Variants in LARGE1 observed in about 807,000 individuals in gnomAD.
LARGE1 encodes the protein LARGE xylosyl- and glucuronyltransferase 1.
LARGE1 carries 43 observed loss-of-function variants against 87.6 expected under a neutral mutation model. The ratio of observed to expected loss-of-function variants is 0.49; its 90% CI spans 0.38 to 0.63. LARGE1 has a LOEUF of 0.63. Among genes scored for constraint, LARGE1 ranks in the 30% least tolerant of loss-of-function variants. The pLI, the probability that LARGE1 is intolerant of heterozygous loss-of-function variation, is 0.00. For synonymous variants in LARGE1, 434 were observed against 394.6 expected, an observed-to-expected ratio of 1.10 and a Z score of -1.18; for missense variants, 802 against 1,000.2, an observed-to-expected ratio of 0.80 and a Z score of 2.67.
chr22:33,559,969 C>G (rs145281310), intron 6 of LARGE1, among the ~76,000 whole-genome samples: 2 of 152,176 alleles, frequency 1.3e-5, no homozygotes, highest in African/African-American at 4.8e-5. Context: ...AGTTCTTTCA[C>G]GAATCTAACT....
chr22:33,878,330 C>CA (rs1436880311), intron 1 of LARGE1, among the ~76,000 whole-genome samples: 2 of 151,544 alleles, frequency 1.3e-5, no homozygotes, highest in African/African-American at 4.8e-5. Flanking sequence ...TATACAAATA[C>CA]ATATTGGCCA....
chr22:33,514,321 T>C (rs2071196742), intron 6 of LARGE1, among the ~76,000 whole-genome samples: 1 of 152,170 alleles, frequency 6.6e-6, no homozygotes, highest in African/African-American at 2.4e-5. Flanking sequence ...TGCACAGTTA[T>C]GCCTGCATAT....
intron 1 of LARGE1, among the ~76,000 whole-genome samples, chr22:33,901,249 T>C (rs1026693714): frequency 2.0e-5 from 3 of 151,918 alleles, no homozygotes; most frequent in African/African-American, 4.8e-5. Context: ...GGGAGTGTGG[T>C]CCTGCTGACT....
intron 9 of LARGE1, among the ~76,000 whole-genome samples, chr22:33,338,126 G>A (rs1938698520): frequency 6.6e-6 from 1 of 152,002 alleles, no homozygotes; most frequent in South Asian, 2.1e-4. Flanking sequence ...TGATGCTTAG[G>A]CCACGACTCT....
At chr22:33,721,373 C>T (rs990083143) in intron 2 of LARGE1, among the ~76,000 whole-genome samples, 6 of 152,254 alleles carry the variant, frequency 3.9e-5, no homozygotes, top group Admixed American at 6.5e-5. Flanking sequence ...TGTATTATGA[C>T]GATTAGGTGA....
At chr22:33,086,869 C>G in the LARGE1 span, among the ~76,000 whole-genome samples, 6 of 152,070 alleles carry the variant, frequency 3.9e-5, no homozygotes, top group Non-Finnish European at 8.8e-5. Context: ...TGTAAAATAT[C>G]ATTTTTAGTC....
intron 7 of LARGE1, among the ~76,000 whole-genome samples, chr22:33,406,439 TCC>T (rs1394652735): frequency 1.3e-5 from 2 of 152,204 alleles, no homozygotes; most frequent in African/African-American, 4.8e-5. Context: ...TTGCAGGATT[TCC>T]TGCTTACTAC....
chr22:33,717,464 T>C (rs1357956894), intron 2 of LARGE1, among the ~76,000 whole-genome samples: 1 of 152,228 alleles, frequency 6.6e-6, no homozygotes, highest in African/African-American at 2.4e-5. Context: ...GGACTCTCTG[T>C]TGACCCAGTT....
intron 11 of LARGE1, among the ~76,000 whole-genome samples, chr22:33,306,789 G>A (rs917588054): frequency 2.0e-5 from 3 of 150,914 alleles, no homozygotes; most frequent in South Asian, 2.1e-4. Context: ...CAGAAGAATC[G>A]CTTGAACCCA....
chr22:33,608,525 C>T (rs1297082002), intron 4 of LARGE1, among the ~76,000 whole-genome samples: 2 of 152,188 alleles, frequency 1.3e-5, no homozygotes, highest in African/African-American at 2.4e-5. Flanking sequence ...ATTTAAACTG[C>T]TGGCTCCTTG....
intron 6 of LARGE1, among the ~76,000 whole-genome samples, chr22:33,506,214 A>T (rs971959894): frequency 3.6e-4 from 54 of 151,980 alleles, no homozygotes; most frequent in South Asian, 4.2e-4. Flanking sequence ...ATATATATAT[A>T]TTTTTGGACT....
intron 11 of LARGE1, among the ~76,000 whole-genome samples, chr22:33,194,468 A>G (rs932713479): frequency 6.6e-6 from 1 of 152,176 alleles, no homozygotes; most frequent in Admixed American, 6.5e-5. Flanking sequence ...TTCAAGGTTT[A>G]GAGATGGAGA....
At chr22:33,654,922 C>T (rs1296805821) in intron 2 of LARGE1, among the ~76,000 whole-genome samples, 4 of 152,130 alleles carry the variant, frequency 2.6e-5, no homozygotes, top group Non-Finnish European at 5.9e-5. Flanking sequence ...CAGAGCTTGG[C>T]CCACGTGTAA....
At chr22:33,745,032 A>G (rs2084027961) in intron 2 of LARGE1, among the ~76,000 whole-genome samples, 1 of 152,182 alleles carries the variant, frequency 6.6e-6, no homozygotes, top group Non-Finnish European at 1.5e-5. Context: ...GTTAATTTCT[A>G]TTATCCCACA....
chr22:33,185,129 A>C (rs1217185088), intron 11 of LARGE1, among the ~76,000 whole-genome samples: 2 of 152,196 alleles, frequency 1.3e-5, no homozygotes, highest in African/African-American at 4.8e-5. Flanking sequence ...TGTATTCACA[A>C]TTGTCCAAAC....
chr22:33,651,405 A>G (rs1379863165), intron 2 of LARGE1, among the ~76,000 whole-genome samples: 6 of 150,036 alleles, frequency 4.0e-5, no homozygotes, highest in East Asian at 2.0e-4. Flanking sequence ...AAAAAAAAAA[A>G]AAAAAGAAAA....
chr22:33,533,394 A>T (rs2076952054), intron 6 of LARGE1, among the ~76,000 whole-genome samples: 1 of 152,118 alleles, frequency 6.6e-6, no homozygotes, highest in African/African-American at 2.4e-5. Flanking sequence ...TCCTTTTTTC[A>T]ATTAGCTAGA....
chr22:33,501,004 CG>C (rs1368679733), intron 6 of LARGE1, among the ~76,000 whole-genome samples: 1 of 152,030 alleles, frequency 6.6e-6, no homozygotes, highest in Admixed American at 6.6e-5. Flanking sequence ...GGTGGAGGTG[CG>C]GGCGCCCATG....
rs148781947 is a variant in LARGE1 at position 33,649,732 on chromosome 22, G to A, written c.408+635C>T. Among the ~76,000 whole-genome samples the A allele has an allele frequency of 3.9e-3, 593 of 152,310 alleles. 4 individuals are homozygous for A. Among genetic ancestry groups the A allele is most frequent in the African/African-American group, 0.014 (576 of 41,560 alleles). On this transcript the variant is annotated intron_variant, in intron 3 of 14. Transcript: ENST00000397394. The stretch of plus-strand genomic sequence containing the variant: ...CTCCACCATGAGAACTGGAAACAAT[G>A]GGGAATGAGTGTATGTGTGTTCACT...
Sources: allele counts gnomAD v4.1 joint callset (sites outside exome capture counted in the v4.1 genomes callset), GRCh38; gene constraint gnomAD v4.1.1; transcripts MANE v1.5; gene names NCBI Gene and HGNC (gene_info 2026-07-23, HGNC 2026-07-21).